Variants in BCL11A observed in about 807,000 individuals in gnomAD.
The protein encoded by BCL11A is B cell CLL/lymphoma 11A.
In BCL11A, 2 loss-of-function variants were observed where a neutral mutation model predicts 55.9. That is an observed-to-expected ratio of 0.04 (90% CI 0.01 to 0.11). BCL11A has a LOEUF of 0.11. Ranked by LOEUF, BCL11A falls within the 10% of genes least tolerant of loss-of-function variation. The pLI is 1.00. For synonymous variants in BCL11A, 465 were observed against 473.4 expected (o/e 0.98, Z 0.23); for missense variants, 817 against 1,137.1 (o/e 0.72, Z 4.05).
chr2:60,519,554 C>T (rs1392329553), intron 2 of BCL11A, among the ~76,000 whole-genome samples: 2 of 151,476 alleles, frequency 1.3e-5, no homozygotes, highest in Non-Finnish European at 3.0e-5. Flanking sequence ...TGCCTGCCTG[C>T]CTGCCTGCCT....
rs920371061 is a variant in BCL11A, at chr2:60,459,764, C to T, written c.*640G>A. ...ATTCAAGGCCTTTTTTCTTCCTTTC[C>T]AATTGATACATTTAACCCTTTAGAG... On this transcript the variant is annotated 3_prime_UTR_variant, in exon 4 of 4. Coordinates refer to ENST00000642384, the MANE Select transcript of BCL11A (RefSeq NM_022893.4). 6.7e-6 allele frequency: 7 copies of T among 1,040,074 alleles called. No individual in the cohort carries two copies. Among genetic ancestry groups the T allele is most frequent in the Admixed American group, 1.1e-4 (2 of 17,868 alleles). 64.4% of individuals were successfully genotyped at this position (1,040,074 alleles called of 1,614,324 possible).
chr2:60,458,363 A>G lies in BCL11A; in HGVS notation c.*2041T>C. 7 of 1,026,556 alleles carry G rather than the reference A, an allele frequency of 6.8e-6. No homozygotes were observed. The highest frequency in any genetic ancestry group is 8.2e-6 in the Non-Finnish European group (7 of 854,354). The allele number at this position is 1,026,556 out of a possible 1,614,324, so 63.6% of individuals were successfully genotyped here. On this transcript the variant is annotated 3_prime_UTR_variant, in exon 4 of 4. Coordinates refer to ENST00000642384, the MANE Select transcript of BCL11A (RefSeq NM_022893.4). ...TTAAATGGATAACAAGTCTTGTAAC[A>G]CCACCAAGACAATGGAACCCTAAAA... is the stretch of plus-strand genomic sequence containing the variant.
Position 60,461,542 on chromosome 2 carries a change from CCCA to C in BCL11A, c.1367_1369del (p.Val456del), listed in dbSNP as rs747092274. The C allele has an allele frequency of 3.1e-6, 5 of 1,610,088 alleles. No individual in the cohort carries two copies. Among genetic ancestry groups the C allele is most frequent in the Admixed American group, 1.7e-5 (1 of 60,022 alleles). ...GGACTTGAGCGCGCTGCTGGCGCTG[CCCA>C]CCAAGTCGCTGGTGCCGGGTTCCGG... is the stretch of plus-strand genomic sequence containing the variant. On this transcript the variant is annotated inframe_deletion, in exon 4 of 4. Transcript: ENST00000642384.
chr2:60,552,566 C>T (rs1347720280), intron 1 of BCL11A, among the ~76,000 whole-genome samples: 2 of 152,210 alleles, frequency 1.3e-5, no homozygotes. Context: ...CGGCTCTCCC[C>T]GTCGCCGCGG....
intron 2 of BCL11A, among the ~76,000 whole-genome samples, chr2:60,507,426 G>C (rs1679713118): frequency 6.6e-6 from 1 of 150,976 alleles, no homozygotes. Flanking sequence ...CTAGAAAACT[G>C]TGTCCAAAAC....
intron 2 of BCL11A, among the ~76,000 whole-genome samples, chr2:60,485,267 G>A (rs576435923): frequency 5.3e-5 from 8 of 152,324 alleles, no homozygotes; most frequent in African/African-American, 1.7e-4. Flanking sequence ...TGGGGTGAGA[G>A]GCCATAGCCC....
intron 2 of BCL11A, among the ~76,000 whole-genome samples, chr2:60,475,995 C>T (rs540227867): frequency 7.4e-4 from 113 of 152,170 alleles, no homozygotes; most frequent in Non-Finnish European, 1.5e-3. Context: ...GTGTTTCCAT[C>T]TTTAAAAGGA....
At position 60,459,460 on chromosome 2, in the gene BCL11A, C is replaced by T; in HGVS notation, c.*944G>A. On this transcript the variant is annotated 3_prime_UTR_variant, in exon 4 of 4. Transcript: ENST00000642384. ...CACCAGGAGCAAAGTAGCTTTTATA[C>T]TGGTATAATCAGTTTTGTTTATAAA... The T allele has an allele frequency of 9.8e-7, 1 of 1,020,926 alleles. No homozygotes were observed. Among genetic ancestry groups the T allele is most frequent in the Non-Finnish European group, 1.2e-6 (1 of 850,614 alleles). 63.2% of individuals were successfully genotyped at this position (1,020,926 alleles called of 1,614,324 possible).
rs188937794 is a variant in BCL11A at position 60,541,668 on chromosome 2, T to C, written c.385+4303A>G. On this transcript the variant is annotated intron_variant, in intron 2 of 3. Transcript: ENST00000642384. ...CCCTATGAAAATCCTAGGTACTTAT[T>C]AGAAAACAATATTCTCTACTCTCTG... 24 of 411,576 alleles carry C rather than the reference T, an allele frequency of 5.8e-5. No homozygotes were observed. In the East Asian group the frequency reaches 9.1e-4, roughly 16 times the overall value. The allele number at this position is 411,576 out of a possible 1,614,324, so 25.5% of individuals were successfully genotyped here. A position where few individuals can be genotyped will look rare whatever the true frequency, so the allele number is the denominator to read the frequency against.
Position 60,460,711 on chromosome 2 carries a change from C to A in BCL11A, c.2201G>T (p.Ser734Ile). ...HISGPGPGRPSSKEGRRSDTC... is the reference protein window; with the variant it reads ...HISGPGPGRPISKEGRRSDTC... The stretch of plus-strand genomic sequence containing the variant: ...GTCGCTGCGTCTGCCCTCTTTTGAG[C>A]TGGGCCTGCCCGGGCCCGGACCACT... Residue 734 changes from serine to isoleucine, a missense_variant, in exon 4 of 4, where the codon AGC becomes ATC. Transcript: ENST00000642384. 1 of 1,614,200 alleles carries A rather than the reference C, an allele frequency of 6.2e-7. No individual in the cohort carries two copies. Among genetic ancestry groups the A allele is most frequent in the Non-Finnish European group, 8.5e-7 (1 of 1,180,030 alleles).
downstream of BCL11A, chr2:60,452,349 ACTGTT>A: frequency 2.1e-6 from 1 of 478,548 alleles, no homozygotes; most frequent in East Asian, 3.5e-5. Context: ...GGACTGATTC[ACTGTT>A]CCAATGTGGG....
intron 2 of BCL11A, among the ~76,000 whole-genome samples, chr2:60,477,869 C>A (rs902261081): frequency 2.6e-5 from 4 of 152,196 alleles, no homozygotes; most frequent in Non-Finnish European, 4.4e-5. Context: ...TGTCAGGCCT[C>A]CCCCAAGGCC....
At chr2:60,455,979 C>A (rs1271123702), downstream of BCL11A, among the ~76,000 whole-genome samples, 15 of 152,126 alleles carry the variant, frequency 9.9e-5, no homozygotes, top group Admixed American at 9.8e-4. Flanking sequence ...GCCCACCCCA[C>A]CCCACCTCCT....
chr2:60,513,276 G>A (rs189169678), intron 2 of BCL11A, among the ~76,000 whole-genome samples: 204 of 152,224 alleles, frequency 1.3e-3, no homozygotes, highest in Admixed American at 3.3e-3. Flanking sequence ...CAGCTGACAC[G>A]GCTCCAAGAT....
chr2:60,482,586 C>T (rs1396247316), intron 2 of BCL11A, among the ~76,000 whole-genome samples: 2 of 152,158 alleles, frequency 1.3e-5, no homozygotes, highest in Middle Eastern at 3.2e-3. Flanking sequence ...ATGCACTTCT[C>T]GCGTATGTGA....
At chr2:60,550,676 C>T (rs1353338817) in intron 1 of BCL11A, among the ~76,000 whole-genome samples, 3 of 152,112 alleles carry the variant, frequency 2.0e-5, no homozygotes, top group Admixed American at 6.5e-5. Context: ...CCTTTAACCC[C>T]GGGACAGGAG....
intron 3 of BCL11A, among the ~76,000 whole-genome samples, chr2:60,467,960 G>A (rs1286572184): frequency 8.2e-6 from 1 of 122,274 alleles, no homozygotes; most frequent in Non-Finnish European, 1.8e-5. Context: ...GGTACTGGTG[G>A]TGATGGTGGT....
intron 2 of BCL11A, among the ~76,000 whole-genome samples, chr2:60,495,307 T>G (rs1366043557): frequency 6.6e-6 from 1 of 152,074 alleles, no homozygotes; most frequent in Non-Finnish European, 1.5e-5. Flanking sequence ...AGCTTCAAAG[T>G]TGTATTGACC....
intron 2 of BCL11A, among the ~76,000 whole-genome samples, chr2:60,483,523 C>T (rs760838566): frequency 6.6e-6 from 1 of 152,196 alleles, no homozygotes; most frequent in Non-Finnish European, 1.5e-5. Flanking sequence ...AAATCAACTG[C>T]TGTCTATGTC....
Sources: gnomAD v4.1 joint callset for allele counts (sites outside exome capture counted in the v4.1 genomes callset) on GRCh38, gnomAD v4.1.1 for gene constraint, MANE v1.5 for transcripts, NCBI Gene and HGNC (gene_info 2026-07-23, HGNC 2026-07-21) for gene names.